The following PLEKHA5 variants were observed in gnomAD, a reference collection of about 807,000 sequenced individuals.
PLEKHA5 encodes the protein pleckstrin homology domain containing A5, also known as pleckstrin homology domain-containing family A member 5.
In PLEKHA5, 55 loss-of-function variants were observed where a neutral mutation model predicts 181.9. The ratio of observed to expected loss-of-function variants is 0.30; its 90% CI spans 0.24 to 0.38. The LOEUF is 0.38. Among genes scored for constraint, PLEKHA5 ranks in the 10% least tolerant of loss-of-function variants. The pLI is 1.00. For synonymous variants in PLEKHA5, 535 were observed against 529.4 expected (o/e 1.01, Z -0.15); for missense variants, 1,432 against 1,549.5 (o/e 0.92, Z 1.27).
Position 19,274,905 on chromosome 12 carries a change from A to G in PLEKHA5, c.1235A>G (p.Gln412Arg), listed in dbSNP as rs139884590. ...PLYTEADRVI[Q>R]RTNSMQQLEQ... ...TACACAGAGGCCGATCGAGTCATAC[A>G]GAGAACAAATTCAATGCAGCAGTTG... Residue 412 changes from glutamine (Q) to arginine (R), a missense_variant, in exon 11 of 32, where the codon CAG becomes CGG. By Grantham distance (43) the Gln-to-Arg change is conservative (BLOSUM62 1). Coordinates refer to ENST00000429027, the MANE Select transcript of PLEKHA5 (RefSeq NM_001256470.2). The G allele has an allele frequency of 8.7e-6, 14 of 1,613,878 alleles. No individual in the cohort carries two copies. Among genetic ancestry groups the G allele is most frequent in the African/African-American group, 1.3e-5 (1 of 74,910 alleles).
At chr12:19,260,619 G>A (rs532105643) in intron 6 of PLEKHA5, among the ~76,000 whole-genome samples, 2 of 152,150 alleles carry the variant, frequency 1.3e-5, no homozygotes, top group East Asian at 1.9e-4. Flanking sequence ...CACTTCGGAA[G>A]GCCAAGGCGG....
At chr12:19,272,703 C>G (rs1257366818) in intron 10 of PLEKHA5, among the ~76,000 whole-genome samples, 1 of 152,186 alleles carries the variant, frequency 6.6e-6, no homozygotes, top group Non-Finnish European at 1.5e-5. Context: ...CGTCACTGCA[C>G]TCCCCCCTGG....
chr12:19,132,649 G>A (rs990048474), intron 3 of PLEKHA5, among the ~76,000 whole-genome samples, 199 bp downstream of exon 3: 7 of 151,874 alleles, frequency 4.6e-5, no homozygotes, highest in Admixed American at 6.6e-5. Flanking sequence ...TTATTTGCCT[G>A]GAATATTCAT....
At chr12:19,171,399 T>C (rs1024121676) in intron 3 of PLEKHA5, among the ~76,000 whole-genome samples, 1 of 152,194 alleles carries the variant, frequency 6.6e-6, no homozygotes, top group Non-Finnish European at 1.5e-5. Context: ...CCTGTAAATA[T>C]AGATTTACCA....
At chr12:19,138,382 G>A (rs1220205640) in intron 3 of PLEKHA5, among the ~76,000 whole-genome samples, 1 of 151,940 alleles carries the variant, frequency 6.6e-6, no homozygotes, top group African/African-American at 2.4e-5. Flanking sequence ...AGACCAACCT[G>A]GCTAACATGG....
At chr12:19,347,599 A>G (rs981876808) in intron 24 of PLEKHA5, among the ~76,000 whole-genome samples, 3 of 152,102 alleles carry the variant, frequency 2.0e-5, no homozygotes, top group Non-Finnish European at 4.4e-5. Flanking sequence ...AAAACTACTC[A>G]AAGATGTGGA....
At chr12:19,239,488 G>A (rs2062052046) in intron 3 of PLEKHA5, among the ~76,000 whole-genome samples, 2 of 152,148 alleles carry the variant, frequency 1.3e-5, no homozygotes, top group Non-Finnish European at 2.9e-5. Flanking sequence ...AGTGCTTGAG[G>A]ATAATGATTT....
intron 15 of PLEKHA5, among the ~76,000 whole-genome samples, chr12:19,299,593 G>A (rs2080892172): frequency 6.6e-6 from 1 of 152,094 alleles, no homozygotes; most frequent in Admixed American, 6.5e-5. Flanking sequence ...AATTTCCCTG[G>A]CTTTGGATAA....
chr12:19,343,247 ATAAT>A (rs2094073004), intron 21 of PLEKHA5, 72 bp from the exon 22 acceptor site: 2 of 725,782 alleles, frequency 2.8e-6, no homozygotes, highest in East Asian at 2.8e-5. Context: ...TGTAATTTAT[ATAAT>A]TAATATATAA....
chr12:19,268,269 T>G (rs1324857277), intron 8 of PLEKHA5, among the ~76,000 whole-genome samples: 1 of 152,200 alleles, frequency 6.6e-6, no homozygotes, highest in East Asian at 1.9e-4. Flanking sequence ...GCACTATTAT[T>G]AGGCCATGAA....
At chr12:19,354,023 C>A in intron 26 of PLEKHA5, 21 bp downstream of exon 26, 1 of 1,154,988 alleles carries the variant, frequency 8.7e-7, no homozygotes, top group East Asian at 2.4e-5. Flanking sequence ...GGAAATTAAT[C>A]TTCTAGGAAG....
chr12:19,204,210 G>A lies in PLEKHA5; in HGVS notation c.228-49730G>A, dbSNP rs561568003. On this transcript the variant is annotated intron_variant, in intron 3 of 31. Transcript: ENST00000429027. ...GATTTACAATAGGGAAGTAATAGAG[G>A]TGACCAGGAAGGGTTGGGAAGAAGG... Among the ~76,000 whole-genome samples the A allele has an allele frequency of 1.8e-4, 28 of 152,182 alleles. No individual in the cohort carries two copies. The South Asian group carries it at 2.9e-3, about 16-fold the overall frequency.
intron 13 of PLEKHA5, 59 bp downstream of exon 13, chr12:19,287,615 C>A: frequency 1.1e-6 from 1 of 898,332 alleles, no homozygotes; most frequent in African/African-American, 1.7e-5. Context: ...CAGGAAGGTA[C>A]ATATCTAACA....
At chr12:19,209,575 T>C (rs2056484889) in intron 3 of PLEKHA5, among the ~76,000 whole-genome samples, 1 of 152,158 alleles carries the variant, frequency 6.6e-6, no homozygotes, top group South Asian at 2.1e-4. Flanking sequence ...GAGCTTCCAG[T>C]GGAAATTTTA....
intron 3 of PLEKHA5, among the ~76,000 whole-genome samples, chr12:19,223,200 C>G (rs911810414): frequency 7.2e-5 from 11 of 151,990 alleles, no homozygotes; most frequent in Non-Finnish European, 1.2e-4. Context: ...TTAACACACT[C>G]TCTACCTCTG....
intron 3 of PLEKHA5, among the ~76,000 whole-genome samples, chr12:19,226,300 A>C (rs541260413): frequency 1.8e-4 from 27 of 152,304 alleles, no homozygotes; most frequent in Middle Eastern, 3.4e-3. Flanking sequence ...ATAATATTCC[A>C]TCATTTGTAA....
intron 3 of PLEKHA5, chr12:19,153,126 G>C (rs1410674914): frequency 6.6e-6 from 1 of 151,132 alleles, no homozygotes; most frequent in African/African-American, 2.4e-5. Context: ...CAGCTCTGAT[G>C]TAAAAATGAA....
At chr12:19,296,235 G>T (rs1448852480) in intron 15 of PLEKHA5, among the ~76,000 whole-genome samples, 1 of 145,918 alleles carries the variant, frequency 6.9e-6, no homozygotes, top group South Asian at 2.2e-4. Flanking sequence ...GTGAGACTCC[G>T]TCTGAAAAAA....
chr12:19,306,857 T>C (rs2083949610), intron 15 of PLEKHA5: 4 of 790,090 alleles, frequency 5.1e-6, no homozygotes, highest in Non-Finnish European at 9.0e-6. Context: ...TAACGTACCA[T>C]ATGCAGAAGG....
Sources: allele counts gnomAD v4.1 joint callset (sites outside exome capture counted in the v4.1 genomes callset), GRCh38; gene constraint gnomAD v4.1.1; transcripts MANE v1.5; gene names NCBI Gene and HGNC (gene_info 2026-07-23, HGNC 2026-07-21).